The following ADPRHL1 variants were observed in gnomAD, a reference collection of about 807,000 sequenced individuals.
The protein encoded by ADPRHL1 is inactive ADP-ribosyltransferase ARH2.
Under a neutral mutation model 44.1 loss-of-function variants are expected in ADPRHL1, and 43 were observed. That is an observed-to-expected ratio of 0.98 (90% CI 0.76 to 1.26). The LOEUF (loss-of-function observed/expected upper bound fraction) is 1.26. Ranked by LOEUF, ADPRHL1 falls within the 50% of genes most tolerant of loss-of-function variation. The pLI is 0.00. For synonymous variants in ADPRHL1, 878 were observed against 1,017.4 expected, an observed-to-expected ratio of 0.86 and a Z score of 2.61; for missense variants, 2,022 against 2,496.9, an observed-to-expected ratio of 0.81 and a Z score of 4.05.
intron 3 of ADPRHL1, among the ~76,000 whole-genome samples, chr13:113,431,150 G>A (rs1405789685): frequency 6.6e-6 from 1 of 152,238 alleles, no homozygotes; most frequent in Non-Finnish European, 1.5e-5. Context: ...GGCAGGCTCT[G>A]CGGTGGGTGC....
intron 1 of ADPRHL1, among the ~76,000 whole-genome samples, chr13:113,445,695 CA>C (rs754681282): frequency 6.6e-6 from 1 of 152,140 alleles, no homozygotes; most frequent in Non-Finnish European, 1.5e-5. Flanking sequence ...CACTTGGAAG[CA>C]AAAGACCTTC....
chr13:113,404,362 A>C lies in ADPRHL1; in HGVS notation c.4920T>G (p.Val1640=). The C allele has an allele frequency of 7.5e-7, 1 of 1,329,796 alleles. No homozygotes were observed. The highest frequency in any genetic ancestry group is 3.0e-5 in the East Asian group (1 of 32,898). 82.4% of individuals were successfully genotyped at this position (1,329,796 alleles called of 1,614,324 possible). A position where few individuals can be genotyped will look rare whatever the true frequency, so the allele number is the denominator to read the frequency against. The change falls in exon 8 of 8, where the codon GTT becomes GTG. Residue 1640 remains valine (V), a synonymous_variant. Coordinates refer to ENST00000612156, the MANE Select transcript of ADPRHL1 (RefSeq NM_001394807.1). ...EQTQKGAQER[V]QGQAQKGAQE... is the part of the protein sequence containing the mutation. Reference sequence around the variant, plus strand: ...GAGCCCCTTTCTGGGCCTGACCCTGAACCCGTTCCTGAGCCCCTTTCTGGG... The same window carrying C: ...GAGCCCCTTTCTGGGCCTGACCCTGCACCCGTTCCTGAGCCCCTTTCTGGG...
rs1027413464 is a variant in ADPRHL1 at position 113,407,096 on chromosome 13, G to A, written c.2186C>T (p.Pro729Leu). 12 of 1,232,132 alleles carry A rather than the reference G, an allele frequency of 9.7e-6. No homozygotes were observed. Among genetic ancestry groups the A allele is most frequent in the South Asian group, 4.1e-5 (1 of 24,326 alleles). The allele number at this position is 1,232,132 out of a possible 1,614,324, so 76.3% of individuals were successfully genotyped here. A position where few individuals can be genotyped will look rare whatever the true frequency, so the allele number is the denominator to read the frequency against. ...TGATCCGGTGCCCCAAGGGCTGGCCGGTCCCAGTGGGGATGATGCAGGCAC... is the reference window on the plus strand; with the variant it reads ...TGATCCGGTGCCCCAAGGGCTGGCCAGTCCCAGTGGGGATGATGCAGGCAC... ...GLVPASSPLGPASPWGTGSAG... is the reference protein window; with the variant it reads ...GLVPASSPLGLASPWGTGSAG... The change falls in exon 8 of 8, where the codon CCG (proline) becomes CTG (leucine). Residue 729 changes from proline to leucine, a missense_variant. Pro to Leu is a moderately conservative substitution (Grantham distance 98, BLOSUM62 -3). Coordinates refer to ENST00000612156, the MANE Select transcript of ADPRHL1 (RefSeq NM_001394807.1).
intron 5 of ADPRHL1, 83 bp from the exon 6 acceptor site, chr13:113,424,432 T>C: frequency 6.4e-7 from 1 of 1,565,514 alleles, no homozygotes. Flanking sequence ...TCTGGGCCCC[T>C]CCTAGTGAAC....
Position 113,453,253 on chromosome 13 carries a change from T to C in ADPRHL1, c.185A>G (p.His62Arg), listed in dbSNP as rs774697551. The C allele has an allele frequency of 6.2e-7, 1 of 1,614,100 alleles. No homozygotes were observed. The change falls in exon 1 of 8, where the codon CAC becomes CGC. Residue 62 changes from histidine to arginine, a missense_variant. Around this residue, in one of 8 missense-constraint regions of ADPRHL1, gnomAD observed 437 missense variants for 430.7 expected, o/e 1.01. Transcript: ENST00000612156. This position sits in a 1 kb window ranked among gnomAD's most constrained non-coding sequence, Gnocchi z 5.4. ...EWPVSDNTIM[H>R]IATAEALTTD... ...GGTGAGGGCCTCGGCGGTTGCGATG[T>C]GCATGATGGTGTTGTCACTCACGGG...
At chr13:113,447,284 C>T (rs1374959838) in intron 1 of ADPRHL1, among the ~76,000 whole-genome samples, 16 of 103,310 alleles carry the variant, frequency 1.5e-4, no homozygotes, top group South Asian at 3.6e-4. Flanking sequence ...GGCGTCTACA[C>T]GCACGGTGTT....
At chr13:113,416,318 A>G (rs1365480250) in intron 7 of ADPRHL1, among the ~76,000 whole-genome samples, 1 of 152,056 alleles carries the variant, frequency 6.6e-6, no homozygotes, top group Non-Finnish European at 1.5e-5. Context: ...TTTGTGACCT[A>G]CATAAGATCT....
In ADPRHL1 at chr13:113,431,478, G is replaced by A. The variant is rs558586352; in HGVS notation, c.505+2264C>T. Among the ~76,000 whole-genome samples the A allele has an allele frequency of 1.2e-3, 177 of 152,312 alleles. 1 individual carries two copies. The highest frequency in any genetic ancestry group is 1.9e-3 in the African/African-American group (81 of 41,576). ...GTTCTCAAGCCCAGGGCTCTGGGCC[G>A]GTCCTGACCCTGCCTACGGCTCTGC... On this transcript the variant is annotated intron_variant, in intron 3 of 7. Coordinates refer to ENST00000612156, the MANE Select transcript of ADPRHL1 (RefSeq NM_001394807.1).
At chr13:113,422,000 A>C (rs958666604) in intron 7 of ADPRHL1, 4 of 152,230 alleles carry the variant, frequency 2.6e-5, no homozygotes, top group African/African-American at 9.6e-5. Flanking sequence ...ATCACGTCCA[A>C]ATTTATTTTA....
intron 2 of ADPRHL1, 61 bp downstream of exon 2, chr13:113,444,364 G>T: frequency 6.3e-7 from 1 of 1,575,090 alleles, no homozygotes; most frequent in Non-Finnish European, 8.7e-7. Context: ...AAGGCAGATG[G>T]TTAGGACCGC....
rs185510987 is a variant in ADPRHL1 at position 113,405,104 on chromosome 13, C to T, written c.4178G>A (p.Gly1393Glu). Reference protein sequence around the residue: ...HQAQEETPQPGDAGKRVAPSG... With the variant: ...HQAQEETPQPEDAGKRVAPSG... ...CGGCGCCACCCTCTTCCCCGCATCC[C>T]CGGGCTGGGGGGTCTCCTCCTGTGC... The change falls in exon 8 of 8, where the codon GGG becomes GAG. Residue 1393 changes from glycine (G) to glutamate (E), a missense_variant. This residue lies in a region of ADPRHL1 where 1,221 missense variants were observed against 1,517.8 expected (regional missense o/e 0.80). Coordinates refer to ENST00000612156, the MANE Select transcript of ADPRHL1 (RefSeq NM_001394807.1). The T allele has an allele frequency of 1.6e-6, 2 of 1,232,222 alleles. No homozygotes were observed. Among genetic ancestry groups the T allele is most frequent in the Non-Finnish European group, 2.0e-6 (2 of 988,324 alleles). The allele number at this position is 1,232,222 out of a possible 1,614,324, so 76.3% of individuals were successfully genotyped here.
rs2044120552 is a variant in ADPRHL1, at chr13:113,444,299, A to T, written c.379+126T>A. On this transcript the variant is annotated intron_variant, in intron 2 of 7. Transcript: ENST00000612156. ...GGAGGGGCCCCCACCCGACAAAGGG[A>T]CTCTAGGCAGATCCGGCCTCACTGA... 3.8e-6 allele frequency: 5 copies of T among 1,320,834 alleles called. No individual in the cohort carries two copies. In the Admixed American group the frequency reaches 8.5e-5, roughly 23 times the overall value. 81.8% of individuals were successfully genotyped at this position (1,320,834 alleles called of 1,614,324 possible). A position where few individuals can be genotyped will look rare whatever the true frequency, so the allele number is the denominator to read the frequency against.
At chr13:113,428,484 G>A (rs113623542) in intron 4 of ADPRHL1, among the ~76,000 whole-genome samples, 3 of 152,196 alleles carry the variant, frequency 2.0e-5, no homozygotes, top group African/African-American at 4.8e-5. Flanking sequence ...TTCCGGAACC[G>A]TCACGGATTT....
chr13:113,435,569 G>C (rs1311587984), intron 2 of ADPRHL1, among the ~76,000 whole-genome samples: 6 of 6,090 alleles, frequency 9.9e-4, no homozygotes, highest in South Asian at 0.022. Context: ...CCAGCACCCA[G>C]GTGTAGAGTG....
rs141211941 is a variant in ADPRHL1 at position 113,415,549 on chromosome 13, G to C, written c.1061+7277C>G. 1.8e-3 allele frequency among the ~76,000 whole-genome samples: 270 copies of C among 152,194 alleles called. 6 individuals are homozygous for C. The East Asian group carries it at 0.047, about 26-fold the overall frequency. ...AGGCGGATCACGAGGTCAGGAGTTCGAGGCCAGTCTGGCCAACAGGGTGAA... is the reference window on the plus strand; with the variant it reads ...AGGCGGATCACGAGGTCAGGAGTTCCAGGCCAGTCTGGCCAACAGGGTGAA... On this transcript the variant is annotated intron_variant, in intron 7 of 7. Coordinates refer to ENST00000612156, the MANE Select transcript of ADPRHL1 (RefSeq NM_001394807.1).
intron 1 of ADPRHL1, among the ~76,000 whole-genome samples, chr13:113,452,240 G>A (rs2044183288): frequency 6.6e-6 from 1 of 152,196 alleles, no homozygotes; most frequent in Non-Finnish European, 1.5e-5. Context: ...TGGACGCCAA[G>A]GCTGTGAACA....
chr13:113,444,181 G>T (rs9549796), intron 2 of ADPRHL1, among the ~76,000 whole-genome samples: 149,995 of 150,406 alleles, frequency 1, 74,792 homozygotes, highest in East Asian at 1. Context: ...CCTGCCCATA[G>T]TCCTTAAACA....
In ADPRHL1 at chr13:113,434,702, T is replaced by C. The variant is rs534939011; in HGVS notation, c.380-835A>G. Among the ~76,000 whole-genome samples the C allele has an allele frequency of 7.8e-3, 919 of 117,484 alleles. 2 individuals carry two copies. The highest frequency in any genetic ancestry group is 0.021 in the African/African-American group (612 of 28,626). 77.1% of individuals were successfully genotyped at this position (117,484 alleles called of 152,430 possible). A position where few individuals can be genotyped will look rare whatever the true frequency, so the allele number is the denominator to read the frequency against. The stretch of plus-strand genomic sequence containing the variant: ...CCGGCACCCAGGTGTAGAGTGAACA[T>C]AGGTGTACCCCGGGACCCGGCACCC... On this transcript the variant is annotated intron_variant, in intron 2 of 7. Transcript: ENST00000612156.
chr13:113,422,567 A>G (rs535525051), intron 7 of ADPRHL1: 74 of 512,928 alleles, frequency 1.4e-4, no homozygotes, highest in Non-Finnish European at 2.1e-4. Flanking sequence ...AGTGCCACGC[A>G]TGGAGGTCCA....
Sources: gnomAD v4.1 joint callset for allele counts (sites outside exome capture counted in the v4.1 genomes callset) on GRCh38, gnomAD v4.1.1 for gene constraint, gnomAD v4.1.1 regional missense constraint, Gnocchi (gnomAD v3.1) non-coding constraint, MANE v1.5 for transcripts, NCBI Gene and HGNC (gene_info 2026-07-23, HGNC 2026-07-21) for gene names.